The following CAPN10 variants were observed in gnomAD, a reference collection of about 807,000 sequenced individuals.
The protein encoded by CAPN10 is calpain-10.
CAPN10 carries 71 observed loss-of-function variants against 78.4 expected under a neutral mutation model. That is an observed-to-expected ratio of 0.91 (90% CI 0.75 to 1.10). The LOEUF (loss-of-function observed/expected upper bound fraction) is 1.10, where lower values mean the gene tolerates loss of function less well. Among genes scored for constraint, CAPN10 ranks in the 50% least tolerant of loss-of-function variants. The pLI is 0.00. For synonymous variants in CAPN10, 437 were observed against 407.2 expected, an observed-to-expected ratio of 1.07 and a Z score of -0.88; for missense variants, 849 against 924.6, an observed-to-expected ratio of 0.92 and a Z score of 1.06.
At chr2:240,594,428 T>C (rs2975763) in intron 5 of CAPN10, 115 bp from the exon 6 acceptor site, 918,176 of 1,060,522 alleles carry the variant, frequency 0.87, 398,375 homozygotes, top group East Asian at 0.99. Flanking sequence ...GGCACGGGGT[T>C]GCTGGCAGGA....
intron 7 of CAPN10, chr2:240,595,887 C>A: frequency 7.9e-7 from 1 of 1,267,480 alleles, no homozygotes; most frequent in Non-Finnish European, 1.1e-6. Flanking sequence ...GAGGATATGC[C>A]GGCTGCTCGC....
At chr2:240,595,797 C>G (rs528520545) in intron 7 of CAPN10, 2 of 537,288 alleles carry the variant, frequency 3.7e-6, no homozygotes, top group East Asian at 1.3e-4. Flanking sequence ...GTCCCAGGCT[C>G]AACCACTGGT....
Position 240,593,980 on chromosome 2 carries a change from T to C in CAPN10, c.763T>C (p.Cys255Arg), listed in dbSNP as rs1471868385. ...LRELQGQAGQCILLLRIQNPW... is the reference protein window; with the variant it reads ...LRELQGQAGQRILLLRIQNPW... ...GGAGCTCCAGGGTCAGGCGGGCCAG[T>C]GCATCCTGCTGCTGCGGATCCAGAA... The change falls in exon 5 of 12, where the codon TGC (cysteine) becomes CGC (arginine). Residue 255 changes from cysteine (C) to arginine (R), a missense_variant. Coordinates refer to ENST00000391984, the MANE Select transcript of CAPN10 (RefSeq NM_023083.4). 6.2e-7 allele frequency: 1 copy of C among 1,611,632 alleles called. No individual in the cohort carries two copies. The highest frequency in any genetic ancestry group is 1.1e-5 in the South Asian group (1 of 90,930).
intron 7 of CAPN10, 196 bp downstream of exon 7, chr2:240,595,500 A>C (rs1010001861): frequency 1.6e-6 from 1 of 628,144 alleles, no homozygotes; most frequent in African/African-American, 1.8e-5. Flanking sequence ...CTGAGACTGC[A>C]GGTCTTTCTG....
Position 240,596,731 on chromosome 2 carries a change from C to T in CAPN10, c.1532C>T (p.Ala511Val), listed in dbSNP as rs1465266713. 32 of 1,590,124 alleles carry T rather than the reference C, an allele frequency of 2.0e-5. No individual in the cohort carries two copies. Among genetic ancestry groups the T allele is most frequent in the Non-Finnish European group, 2.7e-5 (31 of 1,166,900 alleles). Residue 511 changes from alanine to valine, a missense_variant, in exon 9 of 12, where the codon GCG (alanine) becomes GTG (valine). Coordinates refer to ENST00000391984, the MANE Select transcript of CAPN10 (RefSeq NM_023083.4). ...ACCACCCCCGGGGCAGCCCTGCCTGCGGGGGAGTGGGGGACCGTGCAGCTA... is the reference window on the plus strand; with the variant it reads ...ACCACCCCCGGGGCAGCCCTGCCTGTGGGGGAGTGGGGGACCGTGCAGCTA... ...KNTTPGAALP[A>V]GEWGTVQLRG...
In CAPN10 at chr2:240,589,491, C is replaced by T; in HGVS notation, c.273+17C>T. 1 of 1,602,526 alleles carries T rather than the reference C, an allele frequency of 6.2e-7. No homozygotes were observed. The highest frequency in any genetic ancestry group is 8.5e-7 in the Non-Finnish European group (1 of 1,175,358). On this transcript the variant is annotated intron_variant, in intron 2 of 11. Coordinates refer to ENST00000391984, the MANE Select transcript of CAPN10 (RefSeq NM_023083.4). The stretch of plus-strand genomic sequence containing the variant: ...CTGGACCAGGTGCGGGGCCCCTTCC[C>T]TGTGTTTGTCCTGGAGCCGGTTTCT...
At chr2:240,594,187 C>T in intron 5 of CAPN10, 140 bp downstream of exon 5, 1 of 920,344 alleles carries the variant, frequency 1.1e-6, no homozygotes, top group Non-Finnish European at 1.6e-6. Flanking sequence ...TCTCGTGACA[C>T]CATGCTTGTC....
Position 240,586,782 on chromosome 2 carries a change from C to G in CAPN10, c.-130C>G, listed in dbSNP as rs1485710222. ...CCTGGTCCAGCACCTGCGGGGCCCT[C>G]GGGCTTGGAGGGCTGGGCCGGGCGG... is the stretch of plus-strand genomic sequence containing the variant. On this transcript the variant is annotated 5_prime_UTR_variant, in exon 1 of 12. Transcript: ENST00000391984. 4 of 939,494 alleles carry G rather than the reference C, an allele frequency of 4.3e-6. No homozygotes were observed. Among genetic ancestry groups the G allele is most frequent in the Non-Finnish European group, 4.2e-6 (3 of 709,936 alleles). The allele number at this position is 939,494 out of a possible 1,614,324, so 58.2% of individuals were successfully genotyped here.
chr2:240,598,701 G>T lies in CAPN10; in HGVS notation c.*21G>T. 1 of 1,566,860 alleles carries T rather than the reference G, an allele frequency of 6.4e-7. No homozygotes were observed. Among genetic ancestry groups the T allele is most frequent in the Non-Finnish European group, 8.7e-7 (1 of 1,155,184 alleles). ...CCTAACAGGGTGGCCCCCTGTGCCA[G>T]CTCAGGTGACTGGAGCCCGAGGGCC... is the stretch of plus-strand genomic sequence containing the variant. On this transcript the variant is annotated 3_prime_UTR_variant, in exon 12 of 12. Coordinates refer to ENST00000391984, the MANE Select transcript of CAPN10 (RefSeq NM_023083.4).
chr2:240,596,334 G>A lies in CAPN10; in HGVS notation c.1294G>A (p.Val432Ile). The A allele has an allele frequency of 6.2e-7, 1 of 1,601,450 alleles. No homozygotes were observed. The highest frequency in any genetic ancestry group is 1.1e-5 in the South Asian group (1 of 90,818). Residue 432 changes from valine (V) to isoleucine (I), a missense_variant, in exon 8 of 12, where the codon GTC (valine) becomes ATC (isoleucine). Coordinates refer to ENST00000391984, the MANE Select transcript of CAPN10 (RefSeq NM_023083.4). Reference protein sequence around the residue: ...LHLWKVEKRRVNLPRVLSMPP... With the variant: ...LHLWKVEKRRINLPRVLSMPP... ...GTGCTCACAGGTAGAGAAGCGGCGGGTCAATCTGCCTAGGGTCCTGTCCAT... is the reference window on the plus strand; with the variant it reads ...GTGCTCACAGGTAGAGAAGCGGCGGATCAATCTGCCTAGGGTCCTGTCCAT...
intron 7 of CAPN10, chr2:240,595,802 A>T: frequency 1.8e-6 from 1 of 554,048 alleles, no homozygotes. Context: ...AGGCTCAACC[A>T]CTGGTTCACA....
At chr2:240,596,283 GCTC>G in intron 7 of CAPN10, 33 bp from the exon 8 acceptor site, 1 of 1,568,808 alleles carries the variant, frequency 6.4e-7, no homozygotes, top group Non-Finnish European at 8.7e-7. Flanking sequence ...GACCCCGGCC[GCTC>G]CTCCACACTG....
Position 240,586,810 on chromosome 2 carries a change from A to AACGGGCGGGGC in CAPN10, c.-101_-91dup. 2 of 1,179,198 alleles carry AACGGGCGGGGC rather than the reference A, an allele frequency of 1.7e-6. No homozygotes were observed. The allele number at this position is 1,179,198 out of a possible 1,614,324, so 73.0% of individuals were successfully genotyped here. Reference sequence around the variant, plus strand: ...GCTTGGAGGGCTGGGCCGGGCGGGGAACGGGCGGGGCGGGCCGGAGGCGGC... The same window carrying AACGGGCGGGGC: ...GCTTGGAGGGCTGGGCCGGGCGGGGAACGGGCGGGGCACGGGCGGGGCGGGCCGGAGGCGGC... On this transcript the variant is annotated 5_prime_UTR_variant, in exon 1 of 12. Transcript: ENST00000391984.
At chr2:240,592,457 C>A in intron 4 of CAPN10, 1 of 640,400 alleles carries the variant, frequency 1.6e-6, no homozygotes, top group Non-Finnish European at 3.0e-6. Flanking sequence ...CTGGCAAAAT[C>A]AAAACCTGTT....
chr2:240,595,836 C>T (rs2093133139), intron 7 of CAPN10: 5 of 809,454 alleles, frequency 6.2e-6, no homozygotes, highest in South Asian at 5.7e-5. Flanking sequence ...CCAGGAAGAA[C>T]AGATGGGGGC....
intron 3 of CAPN10, 96 bp from the exon 4 acceptor site, chr2:240,591,837 C>A: frequency 9.4e-7 from 1 of 1,062,490 alleles, no homozygotes; most frequent in African/African-American, 1.6e-5. Context: ...ATTGAGGCAG[C>A]GGTTGGACGA....
At chr2:240,594,764 G>A (rs116530790) in intron 6 of CAPN10, 55 bp downstream of exon 6, 22,513 of 1,563,022 alleles carry the variant, frequency 0.014, 219 homozygotes, top group Non-Finnish European at 0.018. Flanking sequence ...AAGTGAGGAG[G>A]CTGGGCAGGT....
chr2:240,595,507 T>C, intron 7 of CAPN10: 2 of 622,272 alleles, frequency 3.2e-6, no homozygotes, highest in Non-Finnish European at 5.6e-6. Flanking sequence ...TGCAGGTCTT[T>C]CTGCCTTGCC....
chr2:240,586,937 C>T lies in CAPN10; in HGVS notation c.26C>T (p.Pro9Leu), dbSNP rs971437230. Residue 9 changes from proline to leucine, a missense_variant, in exon 1 of 12, where the codon CCG becomes CTG. By Grantham distance (98) the Pro-to-Leu change is moderately conservative. Coordinates refer to ENST00000391984, the MANE Select transcript of CAPN10 (RefSeq NM_023083.4). MRAGRGAT[P>L]ARELFRDAAF... ...ATGCGGGCGGGCCGGGGCGCGACGC[C>T]GGCGAGGGAGCTGTTCCGGGACGCC... 4.8e-6 allele frequency: 7 copies of T among 1,453,670 alleles called. No individual in the cohort carries two copies. The highest frequency in any genetic ancestry group is 6.3e-6 in the Non-Finnish European group (7 of 1,104,182). 90.0% of individuals were successfully genotyped at this position (1,453,670 alleles called of 1,614,324 possible).
Sources: allele counts gnomAD v4.1 joint callset, GRCh38; gene constraint gnomAD v4.1.1; transcripts MANE v1.5; gene names NCBI Gene and HGNC (gene_info 2026-07-23, HGNC 2026-07-21).